MGAT4C: variants seen among roughly 807,000 people sequenced by gnomAD.
MGAT4C encodes MGAT4 family member C, also known as alpha-1,3-mannosyl-glycoprotein 4-beta-N-acetylglucosaminyltransferase C.
A neutral mutation model predicts 40.1 loss-of-function variants in MGAT4C; 19 were observed. The observed-to-expected ratio is 0.47, with a 90% confidence interval of 0.33 to 0.70. MGAT4C has a LOEUF of 0.70. Ranked by LOEUF, MGAT4C falls within the 30% of genes least tolerant of loss-of-function variation. The pLI is 0.02. For missense variants in MGAT4C, 491 were observed against 563.2 expected (o/e 0.87, Z 1.30); for synonymous variants, 181 against 187.1 (o/e 0.97, Z 0.27).
chr12:86,067,606 A>T (rs1213620197), intron 1 of MGAT4C, among the ~76,000 whole-genome samples: 3 of 152,088 alleles, frequency 2.0e-5, no homozygotes, highest in Non-Finnish European at 4.4e-5. Context: ...TACCTAATGT[A>T]GATGACGGGT....
chr12:86,768,398 C>A (rs538799847), intron 1 of MGAT4C, among the ~76,000 whole-genome samples: 1 of 152,098 alleles, frequency 6.6e-6, no homozygotes, highest in Admixed American at 6.5e-5. Flanking sequence ...ACATTCCATG[C>A]TCATGGGTAG....
chr12:86,728,572 T>C (rs1345359238), intron 1 of MGAT4C, among the ~76,000 whole-genome samples: 1 of 152,060 alleles, frequency 6.6e-6, no homozygotes, highest in African/African-American at 2.4e-5. Flanking sequence ...GCACCTGTAG[T>C]CCCAGCTGCT....
At chr12:86,579,922 A>C (rs1960712452) in intron 2 of MGAT4C, among the ~76,000 whole-genome samples, 1 of 151,534 alleles carries the variant, frequency 6.6e-6, no homozygotes, top group South Asian at 2.1e-4. Flanking sequence ...AAATGTATTG[A>C]AGCCCCATTA....
chr12:85,990,277 A>T (rs1471759693), intron 2 of MGAT4C, among the ~76,000 whole-genome samples: 1 of 152,124 alleles, frequency 6.6e-6, no homozygotes, highest in Non-Finnish European at 1.5e-5. Flanking sequence ...AACCTAATTT[A>T]AAAAAATTTT....
chr12:85,986,785 T>TA lies in MGAT4C; in HGVS notation c.147+2614dup, dbSNP rs139554654. Among the ~76,000 whole-genome samples, 192 of 152,014 alleles carry TA rather than the reference T, an allele frequency of 1.3e-3. No individual in the cohort carries two copies. In the East Asian group the frequency reaches 0.035, roughly 28 times the overall value. On this transcript the variant is annotated intron_variant, in intron 3 of 4. Coordinates refer to ENST00000611864, the MANE Select transcript of MGAT4C (RefSeq NM_001351288.2). ...TCAGATAATTTTATTAAAAAAGAAA[T>TA]AAACACAGGTAAAAAGATCAAAAGG...
chr12:86,322,585 T>TTTTTTA (rs1954423275), intron 4 of MGAT4C, among the ~76,000 whole-genome samples: 1 of 152,036 alleles, frequency 6.6e-6, no homozygotes, highest in African/African-American at 2.4e-5. Context: ...TTTCTTAATT[T>TTTTTTA]TTTTTATTTT....
chr12:86,788,156 T>C (rs1951964870), intron 1 of MGAT4C, among the ~76,000 whole-genome samples: 1 of 151,130 alleles, frequency 6.6e-6, no homozygotes, highest in Non-Finnish European at 1.5e-5. Flanking sequence ...CATATACATA[T>C]ACACATATAT....
chr12:85,965,424 C>G lies in MGAT4C; in HGVS notation c.*13865G>C, dbSNP rs746553265. ...CATCCTGGCTAACAAGGTGAAACCC[C>G]GTCTCTACTAAAAATACAAAAAATT... On this transcript the variant is annotated 3_prime_UTR_variant, in exon 5 of 5. Transcript: ENST00000611864. 6.6e-6 allele frequency: 1 copy of G among 151,712 alleles called. No individual in the cohort carries two copies. Among genetic ancestry groups the G allele is most frequent in the Non-Finnish European group, 1.5e-5 (1 of 68,020 alleles). The allele number at this position is 151,712 out of a possible 1,614,324, so 9.4% of individuals were successfully genotyped here.
chr12:86,109,703 T>A (rs1427776833), intron 1 of MGAT4C, among the ~76,000 whole-genome samples: 1 of 152,056 alleles, frequency 6.6e-6, no homozygotes. Context: ...TTTTGACAAA[T>A]ATTTATTATG....
chr12:86,608,458 G>A (rs1258699162), intron 2 of MGAT4C, among the ~76,000 whole-genome samples: 1 of 151,978 alleles, frequency 6.6e-6, no homozygotes, highest in Non-Finnish European at 1.5e-5. Flanking sequence ...GTGCACATCT[G>A]TAGTCACCTC....
chr12:86,468,810 C>T (rs1307728176), intron 2 of MGAT4C, among the ~76,000 whole-genome samples: 1 of 152,102 alleles, frequency 6.6e-6, no homozygotes, highest in Non-Finnish European at 1.5e-5. Context: ...TCCTATTTCA[C>T]TAACTGCTTC....
rs1335983638 is a variant in MGAT4C, at chr12:85,967,980, T to C, written c.*11309A>G. On this transcript the variant is annotated 3_prime_UTR_variant, in exon 5 of 5. Transcript: ENST00000611864. Reference sequence around the variant, plus strand: ...AGGCCTATATCAATAACCTCAAACCTTTTAAACACTTAGAGCAAGTCAATA... The same window carrying C: ...AGGCCTATATCAATAACCTCAAACCCTTTAAACACTTAGAGCAAGTCAATA... 1 of 152,106 alleles carries C rather than the reference T, an allele frequency of 6.6e-6. No homozygotes were observed. The highest frequency in any genetic ancestry group is 2.4e-5 in the African/African-American group (1 of 41,454). 9.4% of individuals were successfully genotyped at this position (152,106 alleles called of 1,614,324 possible).
chr12:86,407,798 A>T (rs1306789143), intron 3 of MGAT4C, among the ~76,000 whole-genome samples: 2 of 152,102 alleles, frequency 1.3e-5, no homozygotes, highest in African/African-American at 4.8e-5. Context: ...AGATGAAGAC[A>T]TATTGTAGCC....
intron 2 of MGAT4C, among the ~76,000 whole-genome samples, chr12:86,692,750 G>A (rs1950192586): frequency 6.6e-6 from 1 of 152,150 alleles, no homozygotes; most frequent in Non-Finnish European, 1.5e-5. Context: ...CACCTATACA[G>A]TCTTGGTTTA....
chr12:86,200,751 A>G (rs1237127625), intron 1 of MGAT4C, among the ~76,000 whole-genome samples: 2 of 152,154 alleles, frequency 1.3e-5, no homozygotes, highest in African/African-American at 2.4e-5. Context: ...CCCAATATCC[A>G]TATGTTGAGA....
intron 1 of MGAT4C, among the ~76,000 whole-genome samples, chr12:86,087,484 T>A (rs1162540326): frequency 6.6e-6 from 1 of 152,058 alleles, no homozygotes; most frequent in East Asian, 1.9e-4. Flanking sequence ...TTAGAATTTA[T>A]CACTTATTTT....
intron 1 of MGAT4C, among the ~76,000 whole-genome samples, chr12:86,816,862 TTTTA>T (rs1952617193): frequency 6.6e-6 from 1 of 151,500 alleles, no homozygotes; most frequent in Non-Finnish European, 1.5e-5. Flanking sequence ...TTTTTAATTA[TTTTA>T]TTGTTTCTCA....
chr12:86,508,506 C>A (rs1349727343), intron 2 of MGAT4C, among the ~76,000 whole-genome samples: 2 of 152,142 alleles, frequency 1.3e-5, no homozygotes, highest in African/African-American at 2.4e-5. Flanking sequence ...GTGAATAATG[C>A]CGCAATAAAC....
At chr12:86,249,741 A>T (rs997964884) in intron 1 of MGAT4C, among the ~76,000 whole-genome samples, 5 of 152,026 alleles carry the variant, frequency 3.3e-5, no homozygotes, top group African/African-American at 1.2e-4. Context: ...TTCTCTTCTC[A>T]TTTTGACTTT....
Sources: allele counts gnomAD v4.1 joint callset (sites outside exome capture counted in the v4.1 genomes callset), GRCh38; gene constraint gnomAD v4.1.1; transcripts MANE v1.5; gene names NCBI Gene and HGNC (gene_info 2026-07-23, HGNC 2026-07-21).